C12orf56: variants seen among roughly 807,000 people sequenced by gnomAD.
C12orf56 encodes chromosome 12 open reading frame 56.
In C12orf56, 71 loss-of-function variants were observed where a neutral mutation model predicts 69.9. The ratio of observed to expected loss-of-function variants is 1.02; its 90% CI spans 0.84 to 1.24. The LOEUF is 1.24. Among genes scored for constraint, C12orf56 ranks in the 50% most tolerant of loss-of-function variants. The probability of loss-of-function intolerance (pLI) is 0.00; values close to 1 mark genes in which losing one functional copy is unlikely to be tolerated. For synonymous variants in C12orf56, 276 were observed against 274.1 expected (o/e 1.01, Z -0.07); for missense variants, 732 against 738.5 (o/e 0.99, Z 0.10).
chr12:64,327,475 AAT>A (rs1458682139), intron 3 of C12orf56, among the ~76,000 whole-genome samples: 1 of 152,214 alleles, frequency 6.6e-6, no homozygotes, highest in Non-Finnish European at 1.5e-5. Flanking sequence ...AATAAAATAA[AAT>A]TTTTAAAAAA....
chr12:64,352,099 G>GTTTTTTTTTTTTTTTTTT (rs55762803), intron 2 of C12orf56, among the ~76,000 whole-genome samples: 1 of 148,682 alleles, frequency 6.7e-6, no homozygotes, highest in African/African-American at 2.6e-5. Flanking sequence ...TTTTGTTTTT[G>GTTTTTTTTTTTTTTTTTT]TTTTTTTTTT....
intron 1 of C12orf56, among the ~76,000 whole-genome samples, chr12:64,363,835 C>A (rs1158992684): frequency 6.6e-6 from 1 of 151,984 alleles, no homozygotes; most frequent in East Asian, 1.9e-4. Flanking sequence ...ACCTTGGTAG[C>A]CATTTCATTT....
chr12:64,342,367 G>T (rs1277189538), intron 2 of C12orf56, among the ~76,000 whole-genome samples: 1 of 152,216 alleles, frequency 6.6e-6, no homozygotes, highest in South Asian at 2.1e-4. Context: ...CCGAGAAAGA[G>T]GCCGTAGTGC....
chr12:64,296,258 G>A (rs1340229166), intron 6 of C12orf56, among the ~76,000 whole-genome samples: 1 of 152,208 alleles, frequency 6.6e-6, no homozygotes, highest in Non-Finnish European at 1.5e-5. Flanking sequence ...GCTGGTGGGG[G>A]CTCAGAGAAA....
chr12:64,285,809 T>A (rs2038192874), intron 7 of C12orf56, 145 bp downstream of exon 7: 4 of 426,880 alleles, frequency 9.4e-6, no homozygotes, highest in Non-Finnish European at 1.6e-5. Context: ...AATAAATAAA[T>A]AAAAATAAAA....
Position 64,318,877 on chromosome 12 carries a change from G to T in C12orf56, c.592C>A (p.Pro198Thr). 6.5e-7 allele frequency: 1 copy of T among 1,537,248 alleles called. No individual in the cohort carries two copies. Among genetic ancestry groups the T allele is most frequent in the Non-Finnish European group, 8.7e-7 (1 of 1,146,902 alleles). Residue 198 changes from proline (P) to threonine (T), a missense_variant, in exon 4 of 13, where the codon CCT becomes ACT. Coordinates refer to ENST00000543942, the MANE Select transcript of C12orf56 (RefSeq NM_001170633.2). ...LHGQGAFRPL[P>T]SPSRRSSQSA... is the part of the protein sequence containing the mutation. ...TGAGAGCTCCTCCTGGAGGGGGAAG[G>T]TAGGGGTCGAAAGGCACCTTGGCCA...
intron 1 of C12orf56, among the ~76,000 whole-genome samples, chr12:64,369,312 C>G (rs940290059): frequency 6.6e-6 from 1 of 152,158 alleles, no homozygotes; most frequent in Non-Finnish European, 1.5e-5. Context: ...ATTCTCCTGC[C>G]TCAGCCTCCC....
chr12:64,303,495 T>A, intron 6 of C12orf56, 140 bp downstream of exon 6: 1 of 715,354 alleles, frequency 1.4e-6, no homozygotes. Flanking sequence ...CATTAAGACA[T>A]GACTACATTA....
chr12:64,387,546 A>T (rs1289151146), intron 1 of C12orf56, among the ~76,000 whole-genome samples: 1 of 152,204 alleles, frequency 6.6e-6, no homozygotes, highest in African/African-American at 2.4e-5. Context: ...AGCCAGGCAC[A>T]GTGGCTCATG....
At chr12:64,359,921 G>C (rs1450095869) in intron 1 of C12orf56, among the ~76,000 whole-genome samples, 2 of 151,814 alleles carry the variant, frequency 1.3e-5, no homozygotes, top group Non-Finnish European at 2.9e-5. Flanking sequence ...CACCATGTTG[G>C]CCAGGCTGGT....
At chr12:64,295,290 A>C (rs1411787746) in intron 6 of C12orf56, among the ~76,000 whole-genome samples, 1 of 152,258 alleles carries the variant, frequency 6.6e-6, no homozygotes, top group Non-Finnish European at 1.5e-5. Context: ...GGTATGCTAG[A>C]TAATGAGATA....
At chr12:64,369,187 A>G (rs1012285204) in intron 1 of C12orf56, among the ~76,000 whole-genome samples, 1 of 152,034 alleles carries the variant, frequency 6.6e-6, no homozygotes, top group African/African-American at 2.4e-5. Context: ...CTTAGGTAAA[A>G]ATAAAAGACA....
At chr12:64,267,315 A>G (rs2037929119) in intron 12 of C12orf56, 27 bp from the exon 13 acceptor site, 1 of 1,540,734 alleles carries the variant, frequency 6.5e-7, no homozygotes, top group Non-Finnish European at 8.9e-7. Context: ...GAAACAAAAT[A>G]GAGAGTTTTA....
chr12:64,346,348 C>A (rs2135943930), intron 2 of C12orf56, among the ~76,000 whole-genome samples: 1 of 152,224 alleles, frequency 6.6e-6, no homozygotes, highest in South Asian at 2.1e-4. Context: ...TATATTCTAA[C>A]CTCACTGGCA....
At chr12:64,371,730 C>A (rs1473325708) in intron 1 of C12orf56, among the ~76,000 whole-genome samples, 1 of 151,420 alleles carries the variant, frequency 6.6e-6, no homozygotes, top group Admixed American at 6.6e-5. Flanking sequence ...CTTGGGAGGC[C>A]GAGGCAGGAG....
At chr12:64,318,102 C>G (rs1403855037) in intron 4 of C12orf56, among the ~76,000 whole-genome samples, 1 of 151,988 alleles carries the variant, frequency 6.6e-6, no homozygotes, top group Non-Finnish European at 1.5e-5. Context: ...CCTCTGTCGC[C>G]CTGGAGTGCA....
At chr12:64,379,927 C>CAAAAAA (rs200293677) in intron 1 of C12orf56, among the ~76,000 whole-genome samples, 3 of 114,126 alleles carry the variant, frequency 2.6e-5, no homozygotes, top group African/African-American at 9.3e-5. Context: ...ACTAAAAATA[C>CAAAAAA]AAAAAAAAAA....
intron 4 of C12orf56, among the ~76,000 whole-genome samples, chr12:64,313,433 G>C (rs1284609521): frequency 6.6e-6 from 1 of 151,806 alleles, no homozygotes; most frequent in East Asian, 1.9e-4. Context: ...TGTAGTCTCA[G>C]CTACTTCGGA....
intron 1 of C12orf56, 52 bp downstream of exon 1, chr12:64,390,262 C>G (rs1418806048): frequency 6.5e-7 from 1 of 1,535,230 alleles, no homozygotes; most frequent in African/African-American, 1.4e-5. Context: ...GGGGCCCCAG[C>G]CGGGAGTTCT....
Sources: allele counts gnomAD v4.1 joint callset (sites outside exome capture counted in the v4.1 genomes callset), GRCh38; gene constraint gnomAD v4.1.1; transcripts MANE v1.5; gene names NCBI Gene and HGNC (gene_info 2026-07-23, HGNC 2026-07-21).